DCAF6: variants seen among roughly 807,000 people sequenced by gnomAD.
DCAF6 encodes the protein DDB1 and CUL4 associated factor 6.
A neutral mutation model predicts 125.1 loss-of-function variants in DCAF6; 54 were observed. The ratio of observed to expected loss-of-function variants is 0.43; its 90% CI spans 0.35 to 0.54. DCAF6 has a LOEUF of 0.54. Ranked by LOEUF, DCAF6 falls within the 20% of genes least tolerant of loss-of-function variation. The pLI is 0.01. For synonymous variants in DCAF6, 371 were observed against 390.4 expected, an observed-to-expected ratio of 0.95 and a Z score of 0.58; for missense variants, 934 against 1,161.7, an observed-to-expected ratio of 0.80 and a Z score of 2.85.
the DCAF6 span, among the ~76,000 whole-genome samples, chr1:167,894,786 A>C: frequency 6.6e-6 from 1 of 152,172 alleles, no homozygotes; most frequent in South Asian, 2.1e-4. Flanking sequence ...GTTGGTCAGA[A>C]GTGCCGGTGG....
At chr1:167,915,614 C>A in the DCAF6 span, among the ~76,000 whole-genome samples, 1 of 152,130 alleles carries the variant, frequency 6.6e-6, no homozygotes, top group African/African-American at 2.4e-5. Context: ...CCATACCCAG[C>A]TAATTTTTTT....
At chr1:167,988,044 T>C (rs1252023519) in intron 5 of DCAF6, among the ~76,000 whole-genome samples, 1 of 152,174 alleles carries the variant, frequency 6.6e-6, no homozygotes, top group Non-Finnish European at 1.5e-5. Flanking sequence ...CATGTTATCT[T>C]TTTTAAAAAG....
At chr1:167,967,569 A>G (rs924316646) in intron 3 of DCAF6, among the ~76,000 whole-genome samples, 16 of 152,150 alleles carry the variant, frequency 1.1e-4, no homozygotes, top group African/African-American at 3.4e-4. Flanking sequence ...ATATGACTAA[A>G]TAGTTATTTT....
At chr1:168,033,199 A>T (rs1274343825) in intron 12 of DCAF6, among the ~76,000 whole-genome samples, 1 of 152,158 alleles carries the variant, frequency 6.6e-6, no homozygotes, top group Non-Finnish European at 1.5e-5. Flanking sequence ...AATACATAAC[A>T]GTTCAAGGAA....
At chr1:168,073,162 C>T (rs937129367) in intron 21 of DCAF6, among the ~76,000 whole-genome samples, 11 of 151,362 alleles carry the variant, frequency 7.3e-5, no homozygotes, top group African/African-American at 2.7e-4. Context: ...GGCGATAGAG[C>T]GAGACTCGGT....
At chr1:167,958,507 T>C (rs561043201) in intron 2 of DCAF6, among the ~76,000 whole-genome samples, 2 of 152,128 alleles carry the variant, frequency 1.3e-5, no homozygotes, top group Non-Finnish European at 2.9e-5. Context: ...CTGTATGTGT[T>C]TGTTTTTGCC....
intron 12 of DCAF6, 182 bp downstream of exon 12, chr1:168,023,229 T>A (rs1685887019): frequency 1.6e-6 from 1 of 616,066 alleles, no homozygotes; most frequent in Non-Finnish European, 2.8e-6. Flanking sequence ...CTATACAGAT[T>A]ATTTTCTATG....
chr1:167,974,075 G>T (rs1291619426), intron 3 of DCAF6, among the ~76,000 whole-genome samples: 2 of 152,058 alleles, frequency 1.3e-5, no homozygotes, highest in African/African-American at 4.8e-5. Context: ...TTGCCAGTCT[G>T]TTAAGTGAGA....
intron 19 of DCAF6, 69 bp downstream of exon 19, chr1:168,065,815 C>A: frequency 7.1e-7 from 1 of 1,400,762 alleles, no homozygotes; most frequent in Non-Finnish European, 9.7e-7. Context: ...CAAAATTATT[C>A]TTTTTTAATT....
intron 7 of DCAF6, among the ~76,000 whole-genome samples, chr1:167,995,790 A>G (rs1317503613): frequency 6.6e-6 from 1 of 152,166 alleles, no homozygotes; most frequent in East Asian, 1.9e-4. Flanking sequence ...GGTGTTTTAT[A>G]CTGAAACTTT....
At chr1:167,988,948 C>G (rs1329462579) in intron 5 of DCAF6, among the ~76,000 whole-genome samples, 1 of 151,948 alleles carries the variant, frequency 6.6e-6, no homozygotes, top group Non-Finnish European at 1.5e-5. Flanking sequence ...GGCGTGGTGG[C>G]AGGTGCCTGT....
chr1:168,064,015 GTT>G (rs11295033), intron 18 of DCAF6: 192 of 121,200 alleles, frequency 1.6e-3, no homozygotes, highest in Middle Eastern at 7.8e-3. Flanking sequence ...CATTGCTTTT[GTT>G]TTTTTTTTTT....
At chr1:168,009,450 C>CTG (rs200744444) in intron 10 of DCAF6, among the ~76,000 whole-genome samples, 1 of 66,506 alleles carries the variant, frequency 1.5e-5, no homozygotes, top group African/African-American at 7.4e-5. Context: ...TTCTTTCTTT[C>CTG]TGTCTCTCTC....
chr1:167,977,639 A>C (rs564638458), intron 4 of DCAF6, among the ~76,000 whole-genome samples: 2 of 152,172 alleles, frequency 1.3e-5, no homozygotes, highest in East Asian at 3.9e-4. Context: ...CATCTTGAAA[A>C]ATGTAAGAAA....
rs1306906476 is a variant in DCAF6 at position 168,065,627 on chromosome 1, T to A, written c.2477T>A (p.Met826Lys). ...EANFWGANFV[M>K]SGSDCGHIFI... Reference sequence around the variant, plus strand: ...AATTTCTGGGGTGCTAACTTTGTAATGAGTGGTTCTGACTGTGGCCACATT... The same window carrying A: ...AATTTCTGGGGTGCTAACTTTGTAAAGAGTGGTTCTGACTGTGGCCACATT... Residue 826 changes from methionine to lysine, a missense_variant, in exon 19 of 22, where the codon ATG becomes AAG. Coordinates refer to ENST00000367840, the MANE Select transcript of DCAF6 (RefSeq NM_001198956.2). 1 of 1,610,998 alleles carries A rather than the reference T, an allele frequency of 6.2e-7. No homozygotes were observed. Among genetic ancestry groups the A allele is most frequent in the Non-Finnish European group, 8.5e-7 (1 of 1,178,172 alleles).
intron 8 of DCAF6, 36 bp downstream of exon 8, chr1:168,002,611 G>A (rs1416602211): frequency 6.6e-7 from 1 of 1,504,758 alleles, no homozygotes; most frequent in Non-Finnish European, 9.1e-7. Flanking sequence ...TTTGTATATG[G>A]TATTTTAAAA....
intron 7 of DCAF6, among the ~76,000 whole-genome samples, chr1:168,000,477 T>G (rs1457776685): frequency 1.3e-5 from 2 of 152,166 alleles, no homozygotes; most frequent in African/African-American, 2.4e-5. Context: ...TAAAATGAGG[T>G]ACTATGTTTC....
intron 12 of DCAF6, among the ~76,000 whole-genome samples, chr1:168,036,257 A>G (rs897589029): frequency 6.6e-6 from 1 of 152,168 alleles, no homozygotes; most frequent in African/African-American, 2.4e-5. Context: ...GATATCTATA[A>G]CTGTCTCTTA....
intron 1 of DCAF6, among the ~76,000 whole-genome samples, chr1:167,939,855 A>G (rs58973738): frequency 0.03 from 4,560 of 152,332 alleles, 234 homozygotes; most frequent in African/African-American, 0.1. Flanking sequence ...CTAAGGAAAT[A>G]GATTCCTTTT....
Sources: allele counts gnomAD v4.1 joint callset (sites outside exome capture counted in the v4.1 genomes callset), GRCh38; gene constraint gnomAD v4.1.1; transcripts MANE v1.5; gene names NCBI Gene and HGNC (gene_info 2026-07-23, HGNC 2026-07-21).